Variants in C22orf42 observed in about 807,000 individuals in gnomAD.
The protein encoded by C22orf42 is chromosome 22 open reading frame 42, also known as uncharacterized protein C22orf42.
Under a neutral mutation model 31.4 loss-of-function variants are expected in C22orf42, and 24 were observed. The ratio of observed to expected loss-of-function variants is 0.77; its 90% confidence interval spans 0.55 to 1.08. The LOEUF (loss-of-function observed/expected upper bound fraction) is 1.08, where lower values mean the gene tolerates loss of function less well. C22orf42 is among the 50% of genes least tolerant of loss of function. The probability of loss-of-function intolerance (pLI) is 0.00; values close to 1 mark genes in which losing one functional copy is unlikely to be tolerated. For synonymous variants in C22orf42, 96 were observed against 112.7 expected, an observed-to-expected ratio of 0.85 and a Z score of 0.94; for missense variants, 276 against 327.3, an observed-to-expected ratio of 0.84 and a Z score of 1.21.
At chr22:32,156,130 A>G (rs1485718654) in intron 1 of C22orf42, among the ~76,000 whole-genome samples, 1 of 152,004 alleles carries the variant, frequency 6.6e-6, no homozygotes, top group Non-Finnish European at 1.5e-5. Context: ...AACTACTTTA[A>G]TAAACTAAAG....
rs189476503 is a variant in C22orf42 at position 32,149,944 on chromosome 22, G to C, written c.655-164C>G. The stretch of plus-strand genomic sequence containing the variant: ...GACGATGTGTGTGGAAAAGGCAATG[G>C]GTTTTCATGGAATATTTAGTAAGTC... On this transcript the variant is annotated intron_variant, in intron 7 of 8. Transcript: ENST00000382097. 155 of 545,278 alleles carry C rather than the reference G, an allele frequency of 2.8e-4. 1 individual carries two copies. Among genetic ancestry groups the C allele is most frequent in the Admixed American group, 2.6e-3 (83 of 32,074 alleles). The allele number at this position is 545,278 out of a possible 1,614,324, so 33.8% of individuals were successfully genotyped here.
Position 32,149,631 on chromosome 22 carries a change from G to T in C22orf42, c.683-18C>A. 2 of 1,415,404 alleles carry T rather than the reference G, an allele frequency of 1.4e-6. No individual in the cohort carries two copies. Among genetic ancestry groups the T allele is most frequent in the Admixed American group, 2.4e-5 (1 of 41,184 alleles). The allele number at this position is 1,415,404 out of a possible 1,614,324, so 87.7% of individuals were successfully genotyped here. A position where few individuals can be genotyped will look rare whatever the true frequency, so the allele number is the denominator to read the frequency against. ...AACCCAGCCTAGGGGAAAAGAACAAGACTTCATCTCAAAAAAAAAATATAT... is the reference window on the plus strand; with the variant it reads ...AACCCAGCCTAGGGGAAAAGAACAATACTTCATCTCAAAAAAAAAATATAT... On this transcript the variant is annotated intron_variant, in intron 8 of 8. Transcript: ENST00000382097.
rs1477304532 is a variant in C22orf42 at position 32,159,100 on chromosome 22, G to A, written c.116C>T (p.Thr39Ile). 1.2e-6 allele frequency: 2 copies of A among 1,614,192 alleles called. No individual in the cohort carries two copies. Among genetic ancestry groups the A allele is most frequent in the Admixed American group, 1.7e-5 (1 of 60,026 alleles). Reference protein sequence around the residue: ...ECEIPETVAATAPASTTAKPA... With the variant: ...ECEIPETVAAIAPASTTAKPA... ...CTTTGCAGTGGTGGATGCTGGTGCTGTGGCTGCCACAGTCTCAGGAATCTC... is the reference window on the plus strand; with the variant it reads ...CTTTGCAGTGGTGGATGCTGGTGCTATGGCTGCCACAGTCTCAGGAATCTC... Residue 39 changes from threonine (T) to isoleucine (I), a missense_variant, in exon 1 of 9, where the codon ACA becomes ATA. Transcript: ENST00000382097.
chr22:32,150,448 A>C lies in C22orf42; in HGVS notation c.525T>G (p.Ser175=). 1.2e-6 allele frequency: 2 copies of C among 1,614,202 alleles called. No individual in the cohort carries two copies. The highest frequency in any genetic ancestry group is 1.7e-6 in the Non-Finnish European group (2 of 1,180,034). ...ATGTCATGAAGTCTTCAAGACAGAC[A>C]GATAGGCTTTCACTGAGATCTTCGA... The part of the protein sequence containing the change: ...HLVEDLSESL[S]VCLEDFMTSD... Residue 175 remains serine (S), a synonymous_variant, in exon 7 of 9, where the codon TCT becomes TCG. Coordinates refer to ENST00000382097, the MANE Select transcript of C22orf42 (RefSeq NM_001010859.3).
rs2019952 is a variant in C22orf42 at position 32,151,099 on chromosome 22, C to T, written c.466-80G>A. 474,832 of 1,399,056 alleles carry T rather than the reference C, an allele frequency of 0.34. 89,398 individuals carry two copies. Among genetic ancestry groups the T allele is most frequent in the African/African-American group, 0.8 (54,074 of 67,222 alleles). The allele number at this position is 1,399,056 out of a possible 1,614,324, so 86.7% of individuals were successfully genotyped here. A position where few individuals can be genotyped will look rare whatever the true frequency, so the allele number is the denominator to read the frequency against. On this transcript the variant is annotated intron_variant, in intron 5 of 8. Coordinates refer to ENST00000382097, the MANE Select transcript of C22orf42 (RefSeq NM_001010859.3). ...CTGTTGGCAAAGGCCTTTTATTCAC[C>T]TGGTGAAATAAAAAACCGGATGTGA...
chr22:32,152,609 G>T lies in C22orf42; in HGVS notation c.325C>A (p.Gln109Lys), dbSNP rs933511678. ...TCCACACCGCCGTGTGCAGACGCCT[G>T]CACATCTTCAGTGGGACCTAGGAGA... ...LENIGPTEDVQASAHGGVEEN... is the reference protein window; with the variant it reads ...LENIGPTEDVKASAHGGVEEN... Residue 109 changes from glutamine to lysine, a missense_variant, in exon 3 of 9, where the codon CAG (glutamine) becomes AAG (lysine). Coordinates refer to ENST00000382097, the MANE Select transcript of C22orf42 (RefSeq NM_001010859.3). The T allele has an allele frequency of 6.2e-7, 1 of 1,613,724 alleles. No homozygotes were observed. The highest frequency in any genetic ancestry group is 1.1e-5 in the South Asian group (1 of 91,074).
At chr22:32,151,584 G>C (rs1289517994) in intron 4 of C22orf42, 33 bp from the exon 5 acceptor site, 1 of 1,606,848 alleles carries the variant, frequency 6.2e-7, no homozygotes, top group Non-Finnish European at 8.5e-7. Flanking sequence ...TCAGTGCATT[G>C]GTGCTGCTGA....
upstream of C22orf42, chr22:32,159,318 C>T (rs933311608): frequency 9.3e-5 from 139 of 1,495,406 alleles, no homozygotes; most frequent in Admixed American, 3.4e-4. Context: ...GCTGCTGGCC[C>T]TGGCCGTTGC....
chr22:32,150,475 C>A lies in C22orf42; in HGVS notation c.498G>T (p.Leu166Phe), dbSNP rs2094110971. The A allele has an allele frequency of 1.2e-6, 2 of 1,613,986 alleles. No individual in the cohort carries two copies. The change falls in exon 7 of 9, where the codon TTG (leucine) becomes TTT (phenylalanine). Residue 166 changes from leucine (L) to phenylalanine (F), a missense_variant. Leu to Phe is a conservative substitution (Grantham distance 22, BLOSUM62 0). Coordinates refer to ENST00000382097, the MANE Select transcript of C22orf42 (RefSeq NM_001010859.3). ...EISEAKHDHH[L>F]VEDLSESLSV... ...ATAGGCTTTCACTGAGATCTTCGAC[C>A]AAATCTAGGAGAACATAGTGACAGT...
At chr22:32,156,970 C>T (rs1328056077) in intron 1 of C22orf42, among the ~76,000 whole-genome samples, 1 of 152,244 alleles carries the variant, frequency 6.6e-6, no homozygotes, top group South Asian at 2.1e-4. Context: ...ATGCAACTTT[C>T]CTTACAGCCA....
In C22orf42 at chr22:32,159,133, T is replaced by C; in HGVS notation, c.83A>G (p.His28Arg). Reference sequence around the variant, plus strand: ...CACAGTCTCAGGAATCTCACACTCATGGCAGGGTCCCACATCTGGCCTGCA... The same window carrying C: ...CACAGTCTCAGGAATCTCACACTCACGGCAGGGTCCCACATCTGGCCTGCA... Reference protein sequence around the residue: ...DCCRPDVGPCHECEIPETVAA... With the variant: ...DCCRPDVGPCRECEIPETVAA... Residue 28 changes from histidine to arginine, a missense_variant, in exon 1 of 9, where the codon CAT (histidine) becomes CGT (arginine). His to Arg is a conservative substitution (Grantham distance 29). Transcript: ENST00000382097. 6.2e-7 allele frequency: 1 copy of C among 1,614,174 alleles called. No individual in the cohort carries two copies. Among genetic ancestry groups the C allele is most frequent in the Non-Finnish European group, 8.5e-7 (1 of 1,180,032 alleles).
chr22:32,151,518 C>T lies in C22orf42; in HGVS notation c.434G>A (p.Gly145Asp), dbSNP rs774983478. The change falls in exon 5 of 9, where the codon GGC (glycine) becomes GAC (aspartate). Residue 145 changes from glycine (G) to aspartate (D), a missense_variant. By Grantham distance (94) the Gly-to-Asp change is moderately conservative. Coordinates refer to ENST00000382097, the MANE Select transcript of C22orf42 (RefSeq NM_001010859.3). Reference sequence around the variant, plus strand: ...TGACGTTATATTCTCCTCCACACCGCCGTGTGCAGACACCTGCACATCTTC... The same window carrying T: ...TGACGTTATATTCTCCTCCACACCGTCGTGTGCAGACACCTGCACATCTTC... Reference protein sequence around the residue: ...PTEDVQVSAHGGVEENITSDI... With the variant: ...PTEDVQVSAHDGVEENITSDI... The T allele has an allele frequency of 7.9e-5, 127 of 1,613,804 alleles. No individual in the cohort carries two copies. Among genetic ancestry groups the T allele is most frequent in the Non-Finnish European group, 1.1e-4 (127 of 1,179,678 alleles).
chr22:32,150,331 C>T lies in C22orf42; in HGVS notation c.642G>A (p.Met214Ile). 9 of 1,614,028 alleles carry T rather than the reference C, an allele frequency of 5.6e-6. No individual in the cohort carries two copies. The highest frequency in any genetic ancestry group is 7.6e-6 in the Non-Finnish European group (9 of 1,179,934). ...ESLSVSLEDL[M>I]TPEMAKERYE... ...AAATGCATCTTACCATCTCCGGTGTCATGAGGTCTTCAAGAGAGACAGATA... is the reference window on the plus strand; with the variant it reads ...AAATGCATCTTACCATCTCCGGTGTTATGAGGTCTTCAAGAGAGACAGATA... The change falls in exon 7 of 9, where the codon ATG (methionine) becomes ATA (isoleucine). Residue 214 changes from methionine to isoleucine, a missense_variant. Met to Ile is a conservative substitution (Grantham distance 10). Transcript: ENST00000382097.
At chr22:32,158,007 T>G (rs1921365333) in intron 1 of C22orf42, among the ~76,000 whole-genome samples, 1 of 152,268 alleles carries the variant, frequency 6.6e-6, no homozygotes, top group South Asian at 2.1e-4. Flanking sequence ...ATGAAATCAA[T>G]AGAAAACCCT....
intron 4 of C22orf42, 40 bp downstream of exon 4, chr22:32,152,027 A>T: frequency 6.4e-7 from 1 of 1,567,320 alleles, no homozygotes. Context: ...TTGCATGTCA[A>T]CTACATGTAA....
chr22:32,149,705 CTATATCTACATATATATCTATA>C (rs1268395103), intron 8 of C22orf42, 26 bp downstream of exon 8: 11 of 1,155,468 alleles, frequency 9.5e-6, no homozygotes, highest in Non-Finnish European at 1.2e-5. Context: ...ATATCTATAT[CTATATCTACATATATATCTATA>C]TATATCTAGA....
intron 1 of C22orf42, among the ~76,000 whole-genome samples, chr22:32,158,706 T>C (rs1015762742): frequency 6.6e-6 from 1 of 152,088 alleles, no homozygotes; most frequent in Non-Finnish European, 1.5e-5. Context: ...TGGGTAAGGA[T>C]AGAGAATGGG....
At chr22:32,154,997 G>A (rs1469964999) in intron 1 of C22orf42, among the ~76,000 whole-genome samples, 1 of 152,178 alleles carries the variant, frequency 6.6e-6, no homozygotes, top group Non-Finnish European at 1.5e-5. Context: ...CTGAGGGACA[G>A]GCAGAGCAGG....
At chr22:32,158,860 C>T in intron 1 of C22orf42, 124 bp downstream of exon 1, 1 of 1,087,394 alleles carries the variant, frequency 9.2e-7, no homozygotes, top group Non-Finnish European at 1.4e-6. Context: ...CCTGGGAAAG[C>T]CGGCTATGGG....
Sources: allele counts gnomAD v4.1 joint callset (sites outside exome capture counted in the v4.1 genomes callset), GRCh38; gene constraint gnomAD v4.1.1; transcripts MANE v1.5; gene names NCBI Gene and HGNC (gene_info 2026-07-23, HGNC 2026-07-21).